The following ZSCAN4 variants were observed in gnomAD, a reference collection of about 807,000 sequenced individuals.
The protein encoded by ZSCAN4 is zinc finger and SCAN domain containing 4.
A neutral mutation model predicts 18.3 loss-of-function variants in ZSCAN4; 18 were observed. That is an observed-to-expected ratio of 0.98 (90% CI 0.68 to 1.46). The LOEUF (loss-of-function observed/expected upper bound fraction) is 1.46. Ranked by LOEUF, ZSCAN4 falls within the 40% of genes most tolerant of loss-of-function variation. The probability of loss-of-function intolerance (pLI) is 0.00; values close to 1 mark genes in which losing one functional copy is unlikely to be tolerated. For synonymous variants in ZSCAN4, 193 were observed against 180.3 expected (o/e 1.07, Z -0.57); for missense variants, 498 against 511.4 (o/e 0.97, Z 0.25).
the ZSCAN4 span, among the ~76,000 whole-genome samples, chr19:57,651,804 C>T: frequency 6.6e-6 from 1 of 152,150 alleles, no homozygotes; most frequent in African/African-American, 2.4e-5. Context: ...CCTTTTCTCT[C>T]CTTCTTCCAC....
exon 5 of ZSCAN4, chr19:57,678,266 C>T (rs1984251165): frequency 1.9e-6 from 3 of 1,614,062 alleles, no homozygotes; most frequent in African/African-American, 2.7e-5. Context: ...CCCTAATCAT[C>T]ATCCAGGAAG....
At chr19:57,656,889 A>G in the ZSCAN4 span, among the ~76,000 whole-genome samples, 1 of 152,100 alleles carries the variant, frequency 6.6e-6, no homozygotes, top group Non-Finnish European at 1.5e-5. Context: ...TGGGAGGCTG[A>G]GATGGAAGGA....
chr19:57,663,546 A>T, the ZSCAN4 span, among the ~76,000 whole-genome samples: 265 of 136,496 alleles, frequency 1.9e-3, 1 homozygote, highest in Middle Eastern at 0.019. Flanking sequence ...AAAAAAAAAA[A>T]ATTAGCTGGG....
intron 2 of ZSCAN4, among the ~76,000 whole-genome samples, 171 bp downstream of exon 2, chr19:57,670,738 A>G (rs1195545610): frequency 6.6e-6 from 1 of 152,202 alleles, no homozygotes; most frequent in Non-Finnish European, 1.5e-5. Flanking sequence ...TCCCAGGTGT[A>G]GGGAATGGTC....
chr19:57,665,199 G>A (rs1983823310), upstream of ZSCAN4, among the ~76,000 whole-genome samples: 1 of 152,166 alleles, frequency 6.6e-6, no homozygotes, highest in Non-Finnish European at 1.5e-5. Flanking sequence ...GATAGTAATT[G>A]CATATTGCAC....
the ZSCAN4 span, among the ~76,000 whole-genome samples, chr19:57,655,066 C>A: frequency 1.3e-5 from 2 of 152,188 alleles, no homozygotes; most frequent in Non-Finnish European, 2.9e-5. Flanking sequence ...GCTCAAGTAA[C>A]CCAACCCCAG....
At chr19:57,662,125 T>C in the ZSCAN4 span, among the ~76,000 whole-genome samples, 1 of 149,664 alleles carries the variant, frequency 6.7e-6, no homozygotes, top group Admixed American at 6.6e-5. Flanking sequence ...CAATTGTAAA[T>C]TTGTAAATCA....
At position 57,669,058 on chromosome 19, in the gene ZSCAN4, C is replaced by CTTCTTTT. The variant is rs1555807412; in HGVS notation, c.-572_-571insCTTTTTT. On this transcript the variant is annotated 5_prime_UTR_variant, in exon 1 of 5. Transcript: ENST00000318203. ...GACTAACGTTTGTCTTTATATTTTC[C>CTTCTTTT]TTTTTTTTTTTTTTTTTTTTGAGAC... The CTTCTTTT allele has an allele frequency of 1.2e-3, 80 of 68,576 alleles. 4 individuals are homozygous for CTTCTTTT. The highest frequency in any genetic ancestry group is 3.9e-3 in the African/African-American group (58 of 14,990). 4.2% of individuals were successfully genotyped at this position (68,576 alleles called of 1,614,324 possible).
upstream of ZSCAN4, among the ~76,000 whole-genome samples, chr19:57,667,344 C>T (rs1600001240): frequency 6.6e-6 from 1 of 152,218 alleles, no homozygotes; most frequent in East Asian, 1.9e-4. Context: ...TGTGTCTTTG[C>T]CTTCTTAATG....
chr19:57,672,770 T>G (rs1476358236), intron 2 of ZSCAN4, among the ~76,000 whole-genome samples: 1 of 151,996 alleles, frequency 6.6e-6, no homozygotes, highest in Non-Finnish European at 1.5e-5. Context: ...ACCCAACTCA[T>G]TTTTGAATTT....
the ZSCAN4 span, among the ~76,000 whole-genome samples, chr19:57,661,835 A>T: frequency 6.6e-6 from 1 of 152,206 alleles, no homozygotes; most frequent in African/African-American, 2.4e-5. Flanking sequence ...TAACCCCAGC[A>T]CTTTGGGAGG....
upstream of ZSCAN4, chr19:57,668,846 G>A (rs1347411294): frequency 6.6e-6 from 1 of 152,090 alleles, no homozygotes; most frequent in Admixed American, 6.6e-5. Flanking sequence ...TGATGGATTA[G>A]GAATGCCTTC....
At chr19:57,674,878 T>C (rs992737464) in intron 2 of ZSCAN4, among the ~76,000 whole-genome samples, 2 of 152,044 alleles carry the variant, frequency 1.3e-5, no homozygotes, top group Admixed American at 6.6e-5. Context: ...CAATGTTTCA[T>C]AGAGATGATA....
intron 2 of ZSCAN4, 60 bp from the exon 3 acceptor site, chr19:57,675,981 T>G (rs1028541630): frequency 1.5e-6 from 1 of 682,746 alleles, no homozygotes; most frequent in Non-Finnish European, 2.4e-6. Context: ...ACTTTTTGGT[T>G]GATTTGTCTT....
chr19:57,677,904 T>C lies in ZSCAN4; in HGVS notation c.397-10T>C. Reference sequence around the variant, plus strand: ...ATTCAGATACAACAGTGATCTGGCTTTCTTTACAGGTCCACGTCCACATGC... The same window carrying C: ...ATTCAGATACAACAGTGATCTGGCTCTCTTTACAGGTCCACGTCCACATGC... On this transcript the variant is annotated splice_polypyrimidine_tract_variant and intron_variant, in intron 3 of 4. Transcript: ENST00000318203. The C allele has an allele frequency of 6.6e-7, 1 of 1,519,672 alleles. No individual in the cohort carries two copies. Among genetic ancestry groups the C allele is most frequent in the Non-Finnish European group, 8.8e-7 (1 of 1,137,174 alleles). The allele number at this position is 1,519,672 out of a possible 1,614,324, so 94.1% of individuals were successfully genotyped here.
At chr19:57,665,360 A>G (rs1251927687), upstream of ZSCAN4, among the ~76,000 whole-genome samples, 1 of 152,140 alleles carries the variant, frequency 6.6e-6, no homozygotes, top group East Asian at 1.9e-4. Flanking sequence ...CCACTCCAGC[A>G]GGCTAAATCC....
the ZSCAN4 span, among the ~76,000 whole-genome samples, chr19:57,651,550 C>G: frequency 6.6e-6 from 1 of 152,194 alleles, no homozygotes; most frequent in Non-Finnish European, 1.5e-5. Context: ...TGGACTCCAG[C>G]GCTAGCTGGT....
At chr19:57,669,773 C>A (rs1679650549) in intron 1 of ZSCAN4, among the ~76,000 whole-genome samples, 1 of 151,822 alleles carries the variant, frequency 6.6e-6, no homozygotes, top group African/African-American at 2.4e-5. Flanking sequence ...ATTTCCCAGG[C>A]CAGAGTTCAG....
chr19:57,669,234 T>C (rs987267533), intron 1 of ZSCAN4, 31 bp downstream of exon 1: 1 of 151,956 alleles, frequency 6.6e-6, no homozygotes, highest in Non-Finnish European at 1.5e-5. Context: ...ATAATTTTTG[T>C]ATTTTTAATA....
Sources: allele counts gnomAD v4.1 joint callset (sites outside exome capture counted in the v4.1 genomes callset), GRCh38; gene constraint gnomAD v4.1.1; transcripts MANE v1.5; gene names NCBI Gene and HGNC (gene_info 2026-07-23, HGNC 2026-07-21).